ARHGAP26: variants seen among roughly 807,000 people sequenced by gnomAD.
The protein encoded by ARHGAP26 is rho GTPase-activating protein 26.
A neutral mutation model predicts 104.8 loss-of-function variants in ARHGAP26; 38 were observed. The ratio of observed to expected loss-of-function variants is 0.36; its 90% CI spans 0.28 to 0.48. The LOEUF (loss-of-function observed/expected upper bound fraction) is 0.48, where lower values mean the gene tolerates loss of function less well. ARHGAP26 is among the 20% of genes least tolerant of loss of function. ARHGAP26 has a pLI of 0.99. For missense variants in ARHGAP26, 704 were observed against 947.9 expected (o/e 0.74, Z 3.38); for synonymous variants, 341 against 340.0 (o/e 1.00, Z -0.03).
At chr5:142,857,745 C>T (rs1266415838) in intron 1 of ARHGAP26, among the ~76,000 whole-genome samples, 1 of 152,102 alleles carries the variant, frequency 6.6e-6, no homozygotes, top group African/African-American at 2.4e-5. Flanking sequence ...TCCGGGTCTT[C>T]GGGACATCAC....
chr5:142,821,300 GTTTTTTT>G (rs71576157), intron 1 of ARHGAP26, among the ~76,000 whole-genome samples: 1,992 of 106,350 alleles, frequency 0.019, 35 homozygotes, highest in African/African-American at 0.047. Flanking sequence ...AGGTAGAGTG[GTTTTTTT>G]TTTTTTTTTT....
chr5:143,150,077 G>T (rs1440431220), intron 20 of ARHGAP26, among the ~76,000 whole-genome samples: 1 of 152,176 alleles, frequency 6.6e-6, no homozygotes, highest in Non-Finnish European at 1.5e-5. Context: ...ATCAAAATTA[G>T]AGAGGCCATC....
chr5:142,883,493 C>G (rs1757288895), intron 4 of ARHGAP26, among the ~76,000 whole-genome samples: 1 of 152,242 alleles, frequency 6.6e-6, no homozygotes, highest in South Asian at 2.1e-4. Context: ...AAGCAAAACT[C>G]AGATTCATGG....
chr5:143,143,478 T>G (rs1040045903), intron 19 of ARHGAP26, among the ~76,000 whole-genome samples: 6 of 152,164 alleles, frequency 3.9e-5, no homozygotes, highest in African/African-American at 1.4e-4. Context: ...TTGCAGTGAT[T>G]TGGTTGCATA....
At chr5:142,964,919 C>T (rs1263306983) in intron 11 of ARHGAP26, among the ~76,000 whole-genome samples, 2 of 152,118 alleles carry the variant, frequency 1.3e-5, no homozygotes, top group Non-Finnish European at 1.5e-5. Context: ...CCAGTGGTGG[C>T]CCCGAATGTC....
chr5:142,789,113 T>C (rs918990159), intron 1 of ARHGAP26, among the ~76,000 whole-genome samples: 2 of 152,236 alleles, frequency 1.3e-5, no homozygotes, highest in African/African-American at 4.8e-5. Flanking sequence ...TCTTCTGTTT[T>C]CTCATTTACA....
intron 22 of ARHGAP26, among the ~76,000 whole-genome samples, chr5:143,216,997 G>C (rs1810440598): frequency 6.6e-6 from 1 of 152,092 alleles, no homozygotes; most frequent in Non-Finnish European, 1.5e-5. Context: ...GGGTGGGGTG[G>C]GGGGTCTTTT....
chr5:143,114,093 G>A (rs1392410673), intron 17 of ARHGAP26, among the ~76,000 whole-genome samples: 1 of 152,172 alleles, frequency 6.6e-6, no homozygotes, highest in Non-Finnish European at 1.5e-5. Context: ...CCTGTTAGGA[G>A]ACACTGTGTA....
At chr5:142,891,577 G>A (rs1758667804) in intron 5 of ARHGAP26, among the ~76,000 whole-genome samples, 1 of 150,126 alleles carries the variant, frequency 6.7e-6, no homozygotes, top group Admixed American at 6.6e-5. Context: ...TCATGATGGT[G>A]GAATGGATGG....
rs1298803239 is a variant in ARHGAP26 at position 142,879,384 on chromosome 5, C to T, written c.323C>T (p.Ala108Val). 1 of 1,614,046 alleles carries T rather than the reference C, an allele frequency of 6.2e-7. No homozygotes were observed. The highest frequency in any genetic ancestry group is 1.1e-5 in the South Asian group (1 of 91,076). The change falls in exon 4 of 23, where the codon GCC becomes GTC. Residue 108 changes from alanine to valine, a missense_variant. Physicochemically the swap from Ala to Val is moderately conservative, Grantham distance 64. Around this residue, in one of 6 missense-constraint regions of ARHGAP26, gnomAD observed 106 missense variants for 120.5 expected, o/e 0.88. Coordinates refer to ENST00000645722, the MANE Select transcript of ARHGAP26 (RefSeq NM_001135608.3). Reference protein sequence around the residue: ...EDERIRMIENASEVLITPLEK... With the variant: ...EDERIRMIENVSEVLITPLEK... ...GTTGTTCTTCACCAGATTGAGAATG[C>T]CAGCGAGGTGCTCATCACTCCCTTG...
chr5:142,845,975 CCT>C (rs1004458023), intron 1 of ARHGAP26, among the ~76,000 whole-genome samples: 14 of 152,118 alleles, frequency 9.2e-5, no homozygotes, highest in African/African-American at 3.1e-4. Flanking sequence ...CTTTTTTTCC[CCT>C]GTGAGACCAA....
At chr5:143,138,140 A>G (rs551462015) in intron 19 of ARHGAP26, among the ~76,000 whole-genome samples, 2 of 152,266 alleles carry the variant, frequency 1.3e-5, no homozygotes, top group South Asian at 4.2e-4. Context: ...AGTCTTCTCT[A>G]GGTGGTTTTG....
rs576634724 is a variant in ARHGAP26 at position 143,099,337 on chromosome 5, A to C, written c.1539-21651A>C. On this transcript the variant is annotated intron_variant, in intron 17 of 22. Coordinates refer to ENST00000645722, the MANE Select transcript of ARHGAP26 (RefSeq NM_001135608.3). ...GGGGGGCACAGGTAGAGGAATATAGAATTGCCAGTGTTGGTTAACTTGGAT... is the reference window on the plus strand; with the variant it reads ...GGGGGGCACAGGTAGAGGAATATAGCATTGCCAGTGTTGGTTAACTTGGAT... 3.3e-5 allele frequency among the ~76,000 whole-genome samples: 5 copies of C among 152,282 alleles called. No individual in the cohort carries two copies. In the East Asian group the frequency reaches 9.6e-4, roughly 29 times the overall value.
Position 143,026,336 on chromosome 5 carries a change from A to G in ARHGAP26, c.1145-10860A>G, listed in dbSNP as rs541958015. Among the ~76,000 whole-genome samples, 17 of 152,366 alleles carry G rather than the reference A, an allele frequency of 1.1e-4. No homozygotes were observed. The South Asian group carries it at 3.5e-3, about 32-fold the overall frequency. On this transcript the variant is annotated intron_variant, in intron 12 of 22. Transcript: ENST00000645722. ...GACAACAAAGAGTAAGCAAGTAGAT[A>G]AAGGTATAATTTCTGGTAGAGATGA... is the stretch of plus-strand genomic sequence containing the variant.
chr5:142,921,272 T>A (rs933527776), intron 10 of ARHGAP26, among the ~76,000 whole-genome samples: 3 of 152,236 alleles, frequency 2.0e-5, no homozygotes, highest in African/African-American at 7.2e-5. Flanking sequence ...ATACCTCTGT[T>A]CAATTCTAAA....
At chr5:143,087,900 C>T (rs1362751115) in intron 17 of ARHGAP26, among the ~76,000 whole-genome samples, 4 of 151,920 alleles carry the variant, frequency 2.6e-5, no homozygotes, top group East Asian at 1.9e-4. Context: ...ACACCCGCCT[C>T]GGCCTCCCAA....
chr5:143,111,064 C>T (rs184181117), intron 17 of ARHGAP26, among the ~76,000 whole-genome samples: 1 of 152,348 alleles, frequency 6.6e-6, no homozygotes, highest in East Asian at 1.9e-4. Flanking sequence ...GCAAAAGTAT[C>T]ATTCTTCTTG....
intron 1 of ARHGAP26, among the ~76,000 whole-genome samples, chr5:142,791,142 G>T (rs1016359764): frequency 6.7e-6 from 1 of 150,234 alleles, no homozygotes; most frequent in Non-Finnish European, 1.5e-5. Context: ...GTAGTGGCAC[G>T]ATCTCGGCTT....
chr5:143,141,188 G>A (rs1798482396), intron 19 of ARHGAP26, among the ~76,000 whole-genome samples: 1 of 152,208 alleles, frequency 6.6e-6, no homozygotes, highest in African/African-American at 2.4e-5. Context: ...CGTTGATAAT[G>A]TGGCTATTAA....
Sources: allele counts gnomAD v4.1 joint callset (sites outside exome capture counted in the v4.1 genomes callset), GRCh38; gene constraint gnomAD v4.1.1; regional missense constraint gnomAD v4.1.1; transcripts MANE v1.5; gene names NCBI Gene and HGNC (gene_info 2026-07-23, HGNC 2026-07-21).